PLPP3: variants seen among roughly 807,000 people sequenced by gnomAD.
The protein encoded by PLPP3 is phospholipid phosphatase 3, also known as PAP2 beta.
Under a neutral mutation model 29.6 loss-of-function variants are expected in PLPP3, and 6 were observed. The ratio of observed to expected loss-of-function variants is 0.20; its 90% CI spans 0.11 to 0.40. PLPP3 has a LOEUF of 0.40. Among genes scored for constraint, PLPP3 ranks in the 10% least tolerant of loss-of-function variants. The pLI is 1.00. For synonymous variants in PLPP3, 152 were observed against 159.7 expected (o/e 0.95, Z 0.36); for missense variants, 308 against 407.7 (o/e 0.76, Z 2.11).
chr1:56,576,939 T>C (rs556568989), intron 1 of PLPP3, among the ~76,000 whole-genome samples: 26 of 152,318 alleles, frequency 1.7e-4, no homozygotes, highest in Non-Finnish European at 2.2e-4. Context: ...ATCTCTTTCC[T>C]TTTCACTTTC....
intron 1 of PLPP3, among the ~76,000 whole-genome samples, chr1:56,545,624 T>G (rs1341979719): frequency 2.6e-5 from 4 of 152,152 alleles, no homozygotes; most frequent in African/African-American, 7.2e-5. Context: ...CTGCCATATA[T>G]TCTCAAAAGA....
At position 56,511,882 on chromosome 1, in the gene PLPP3, C is replaced by T. The variant is rs1004782105; in HGVS notation, c.810+94G>A. The T allele has an allele frequency of 2.2e-5, 33 of 1,493,648 alleles. No homozygotes were observed. In the African/African-American group the frequency reaches 3.1e-4, roughly 14 times the overall value. 92.5% of individuals were successfully genotyped at this position (1,493,648 alleles called of 1,614,324 possible). A position where few individuals can be genotyped will look rare whatever the true frequency, so the allele number is the denominator to read the frequency against. ...TCAGACACCAAGCAGAGGACAGGAA[C>T]GAGGGCTCTCTAGCTTTAGTCACTG... On this transcript the variant is annotated intron_variant, in intron 5 of 5. Transcript: ENST00000371250.
chr1:56,525,927 C>T lies in PLPP3; in HGVS notation c.298-1373G>A, dbSNP rs538665762. 1.1e-4 allele frequency among the ~76,000 whole-genome samples: 16 copies of T among 152,180 alleles called. No homozygotes were observed. The East Asian group carries it at 2.1e-3, about 20-fold the overall frequency. ...AAGGGCTCCAAAGTCTGGGGGAGGA[C>T]GACCACGTAGGAAGGAAACACCAGC... On this transcript the variant is annotated intron_variant, in intron 2 of 5. Coordinates refer to ENST00000371250, the MANE Select transcript of PLPP3 (RefSeq NM_003713.5).
At chr1:56,531,233 T>C (rs1557505183) in intron 2 of PLPP3, among the ~76,000 whole-genome samples, 1 of 152,186 alleles carries the variant, frequency 6.6e-6, no homozygotes, top group Admixed American at 6.5e-5. Context: ...GCATCTGATA[T>C]GTTTCGTCCT....
chr1:56,523,725 C>A, intron 4 of PLPP3, 98 bp downstream of exon 4: 1 of 1,324,578 alleles, frequency 7.5e-7, no homozygotes, highest in Non-Finnish European at 1.1e-6. Context: ...AAGGATTTCA[C>A]AGTGATGGCA....
At chr1:56,531,995 T>C (rs1246027734) in intron 2 of PLPP3, among the ~76,000 whole-genome samples, 1 of 152,158 alleles carries the variant, frequency 6.6e-6, no homozygotes, top group Admixed American at 6.5e-5. Flanking sequence ...AAATGGAGCA[T>C]ATCATCACCT....
intron 2 of PLPP3, among the ~76,000 whole-genome samples, chr1:56,529,100 G>A (rs1645870656): frequency 6.6e-6 from 1 of 151,892 alleles, no homozygotes; most frequent in South Asian, 2.1e-4. Context: ...AGCTTTCAAA[G>A]CACTTTCACA....
intron 2 of PLPP3, among the ~76,000 whole-genome samples, chr1:56,525,281 T>G (rs572749789): frequency 2.0e-5 from 3 of 152,304 alleles, no homozygotes; most frequent in African/African-American, 7.2e-5. Flanking sequence ...AGAATACCAG[T>G]CTAACAACTA....
chr1:56,551,193 G>A (rs1383423954), intron 1 of PLPP3, among the ~76,000 whole-genome samples: 3 of 152,214 alleles, frequency 2.0e-5, no homozygotes, highest in East Asian at 1.9e-4. Flanking sequence ...GTATCCTTGC[G>A]CACAATGTGA....
intron 1 of PLPP3, among the ~76,000 whole-genome samples, chr1:56,567,234 A>G (rs952334780): frequency 6.6e-6 from 1 of 152,140 alleles, no homozygotes; most frequent in Non-Finnish European, 1.5e-5. Flanking sequence ...TCTTAAACCC[A>G]GTGGCACCAC....
intron 1 of PLPP3, among the ~76,000 whole-genome samples, chr1:56,574,191 T>A (rs1428426435): frequency 1.4e-5 from 2 of 147,760 alleles, no homozygotes; most frequent in African/African-American, 5.0e-5. Context: ...CAGAGAAGAC[T>A]CTGTCTCAAA....
Position 56,554,177 on chromosome 1 carries a change from C to CT in PLPP3, c.140-17066dup, listed in dbSNP as rs1215753641. ...TTTAAAGCTTAAAGCTTAGATCTAC[C>CT]TTTTTTTTTAGTCCTGTGACATTAA... is the stretch of plus-strand genomic sequence containing the variant. On this transcript the variant is annotated intron_variant, in intron 1 of 5. Coordinates refer to ENST00000371250, the MANE Select transcript of PLPP3 (RefSeq NM_003713.5). Among the ~76,000 whole-genome samples, 38 of 150,972 alleles carry CT rather than the reference C, an allele frequency of 2.5e-4. No homozygotes were observed. The East Asian group carries it at 4.5e-3, about 18-fold the overall frequency.
intron 5 of PLPP3, among the ~76,000 whole-genome samples, chr1:56,505,097 C>G (rs907245461): frequency 6.6e-6 from 1 of 152,218 alleles, no homozygotes; most frequent in African/African-American, 2.4e-5. Flanking sequence ...AGATGGCGGT[C>G]AAGTCTTGGA....
intron 2 of PLPP3, among the ~76,000 whole-genome samples, chr1:56,536,074 C>T (rs1024662110): frequency 1.3e-5 from 2 of 152,186 alleles, no homozygotes; most frequent in African/African-American, 4.8e-5. Flanking sequence ...GAGTGACGAG[C>T]ATGTGACATT....
At chr1:56,561,727 A>G (rs1332235378) in intron 1 of PLPP3, among the ~76,000 whole-genome samples, 1 of 152,162 alleles carries the variant, frequency 6.6e-6, no homozygotes, top group Non-Finnish European at 1.5e-5. Context: ...TGAAGTGACT[A>G]TCAAGAGGTA....
At chr1:56,578,775 G>A (rs1378751720) in intron 1 of PLPP3, 103 bp downstream of exon 1, 1 of 1,219,056 alleles carries the variant, frequency 8.2e-7, no homozygotes, top group Non-Finnish European at 1.0e-6. Flanking sequence ...CCCCGGAGCT[G>A]ACGGCGCGGC....
intron 2 of PLPP3, among the ~76,000 whole-genome samples, chr1:56,535,405 T>C (rs1645920061): frequency 6.6e-6 from 1 of 152,162 alleles, no homozygotes; most frequent in Non-Finnish European, 1.5e-5. Context: ...TGGCTTGTGT[T>C]TCTCCGGAAC....
At chr1:56,558,701 T>C (rs1646100269) in intron 1 of PLPP3, among the ~76,000 whole-genome samples, 1 of 152,204 alleles carries the variant, frequency 6.6e-6, no homozygotes, top group Non-Finnish European at 1.5e-5. Flanking sequence ...CTACAACACT[T>C]GATCCAGGTT....
intron 1 of PLPP3, among the ~76,000 whole-genome samples, chr1:56,553,044 T>G (rs1390300497): frequency 6.6e-6 from 1 of 152,186 alleles, no homozygotes; most frequent in East Asian, 1.9e-4. Context: ...CATGGACATT[T>G]CATCCTAGGG....
Sources: allele counts gnomAD v4.1 joint callset (sites outside exome capture counted in the v4.1 genomes callset), GRCh38; gene constraint gnomAD v4.1.1; transcripts MANE v1.5; gene names NCBI Gene and HGNC (gene_info 2026-07-23, HGNC 2026-07-21).